Variants in MAP3K5 observed in about 807,000 individuals in gnomAD.
MAP3K5 encodes the protein mitogen-activated protein kinase kinase kinase 5.
MAP3K5 carries 56 observed loss-of-function variants against 158.7 expected under a neutral mutation model. The ratio of observed to expected loss-of-function variants is 0.35; its 90% CI spans 0.28 to 0.44. The LOEUF (loss-of-function observed/expected upper bound fraction) is 0.44. Among genes scored for constraint, MAP3K5 ranks in the 20% least tolerant of loss-of-function variants. The pLI, the probability that MAP3K5 is intolerant of heterozygous loss-of-function variation, is 1.00. For missense variants in MAP3K5, 1,294 were observed against 1,674.8 expected (o/e 0.77, Z 3.97); for synonymous variants, 579 against 601.7 (o/e 0.96, Z 0.55).
Position 136,611,893 on chromosome 6 carries a change from A to T in MAP3K5, c.2416-506T>A, listed in dbSNP as rs571891790. Reference sequence around the variant, plus strand: ...TTATTCTGGGGGTCACAAGATTTGCAACTTCCCCAATTGTTCCTATAATTG... The same window carrying T: ...TTATTCTGGGGGTCACAAGATTTGCTACTTCCCCAATTGTTCCTATAATTG... On this transcript the variant is annotated intron_variant, in intron 17 of 29. Coordinates refer to ENST00000359015, the MANE Select transcript of MAP3K5 (RefSeq NM_005923.4). Among the ~76,000 whole-genome samples, 12 of 152,344 alleles carry T rather than the reference A, an allele frequency of 7.9e-5. No individual in the cohort carries two copies. The South Asian group carries it at 1.9e-3, about 24-fold the overall frequency.
chr6:136,765,679 ATTTTTTT>A lies in MAP3K5; in HGVS notation c.448+26024_448+26030del, dbSNP rs780589836. ...AAGTGCCCACCACCATGCCTGGCTA[ATTTTTTT>A]TTTTTTTTTTTTTTTGTATTTTTAG... is the stretch of plus-strand genomic sequence containing the variant. On this transcript the variant is annotated intron_variant, in intron 1 of 29. Transcript: ENST00000359015. Among the ~76,000 whole-genome samples the A allele has an allele frequency of 5.4e-3, 644 of 120,020 alleles. 3 individuals carry two copies. The highest frequency in any genetic ancestry group is 0.019 in the African/African-American group (593 of 31,288). The allele number at this position is 120,020 out of a possible 152,430, so 78.7% of individuals were successfully genotyped here. A position where few individuals can be genotyped will look rare whatever the true frequency, so the allele number is the denominator to read the frequency against.
intron 2 of MAP3K5, among the ~76,000 whole-genome samples, chr6:136,718,910 TCA>T (rs1458912314): frequency 6.6e-6 from 1 of 152,170 alleles, no homozygotes; most frequent in African/African-American, 2.4e-5. Context: ...GTGTGGCAGC[TCA>T]CACCTATAAT....
chr6:136,573,869 C>T (rs1325781372), intron 25 of MAP3K5, among the ~76,000 whole-genome samples: 1 of 152,122 alleles, frequency 6.6e-6, no homozygotes, highest in Non-Finnish European at 1.5e-5. Context: ...AAACTATTCC[C>T]ACCCAAATGG....
chr6:136,631,889 C>A (rs958195975), intron 14 of MAP3K5, among the ~76,000 whole-genome samples: 6 of 152,100 alleles, frequency 3.9e-5, no homozygotes, highest in Non-Finnish European at 2.9e-5. Context: ...CCAGTGCAGG[C>A]TACCAGATTA....
chr6:136,770,871 C>T lies in MAP3K5; in HGVS notation c.448+20839G>A, dbSNP rs147123081. Among the ~76,000 whole-genome samples, 890 of 152,062 alleles carry T rather than the reference C, an allele frequency of 5.9e-3. 7 individuals carry two copies. Among genetic ancestry groups the T allele is most frequent in the African/African-American group, 0.013 (554 of 41,462 alleles). On this transcript the variant is annotated intron_variant, in intron 1 of 29. Coordinates refer to ENST00000359015, the MANE Select transcript of MAP3K5 (RefSeq NM_005923.4). ...TTAAAAAATCTGTCAGGAATTCACACAAAAATTATCATAAACATAAAACTG... is the reference window on the plus strand; with the variant it reads ...TTAAAAAATCTGTCAGGAATTCACATAAAAATTATCATAAACATAAAACTG...
At chr6:136,707,257 T>C (rs1781116310) in intron 2 of MAP3K5, among the ~76,000 whole-genome samples, 1 of 152,252 alleles carries the variant, frequency 6.6e-6, no homozygotes, top group African/African-American at 2.4e-5. Flanking sequence ...GATGGAAATG[T>C]GTGTATACGC....
intron 14 of MAP3K5, among the ~76,000 whole-genome samples, chr6:136,629,494 G>A (rs564009153): frequency 1.7e-4 from 26 of 151,740 alleles, no homozygotes; most frequent in South Asian, 1.0e-3. Context: ...ACGCTCTGTC[G>A]CCCAGGCTGG....
chr6:136,591,074 C>A (rs905032407), intron 23 of MAP3K5, among the ~76,000 whole-genome samples: 6 of 152,160 alleles, frequency 3.9e-5, no homozygotes, highest in African/African-American at 1.4e-4. Context: ...GGGAATTCCC[C>A]TGCACAAGCT....
At chr6:136,636,839 CATT>C (rs1331969676) in intron 14 of MAP3K5, 2 of 986,448 alleles carry the variant, frequency 2.0e-6, no homozygotes, top group African/African-American at 3.5e-5. Flanking sequence ...GTCCATTAGA[CATT>C]AATAAAAGGA....
chr6:136,624,614 C>T (rs1034355725), intron 14 of MAP3K5, among the ~76,000 whole-genome samples: 2 of 151,964 alleles, frequency 1.3e-5, no homozygotes, highest in East Asian at 1.9e-4. Flanking sequence ...TCTCTGAGCA[C>T]AGAATACTAA....
At chr6:136,588,885 G>C (rs577808966) in intron 23 of MAP3K5, among the ~76,000 whole-genome samples, 72 of 152,226 alleles carry the variant, frequency 4.7e-4, no homozygotes, top group Non-Finnish European at 6.8e-4. Flanking sequence ...CTTCTTCCTG[G>C]GCCTCAGAGT....
At chr6:136,685,820 C>A (rs1200113691) in intron 7 of MAP3K5, among the ~76,000 whole-genome samples, 4 of 152,130 alleles carry the variant, frequency 2.6e-5, no homozygotes, top group Non-Finnish European at 4.4e-5. Context: ...CCTTTGGGAC[C>A]CATGACTAAT....
chr6:136,714,257 G>GTAT (rs1781430777), intron 2 of MAP3K5, among the ~76,000 whole-genome samples: 1 of 152,146 alleles, frequency 6.6e-6, no homozygotes, highest in Non-Finnish European at 1.5e-5. Context: ...TAAGTGTGAG[G>GTAT]TATTTGTAAC....
At chr6:136,599,180 C>A (rs78103817) in intron 21 of MAP3K5, among the ~76,000 whole-genome samples, 22 of 121,662 alleles carry the variant, frequency 1.8e-4, no homozygotes, top group African/African-American at 6.5e-4. Context: ...GGGGGGGGGG[C>A]GTGGATTTTA....
intron 18 of MAP3K5, among the ~76,000 whole-genome samples, chr6:136,611,029 G>A (rs184758315): frequency 3.5e-5 from 5 of 144,178 alleles, no homozygotes; most frequent in African/African-American, 1.0e-4. Context: ...GATTGCTTGA[G>A]CCTGGGAGTT....
chr6:136,642,031 A>AAATAAAAAT (rs1777984408), intron 12 of MAP3K5, among the ~76,000 whole-genome samples: 1 of 66,780 alleles, frequency 1.5e-5, no homozygotes, highest in Non-Finnish European at 2.9e-5. Context: ...AAATAAAATA[A>AAATAAAAAT]AAATAAAATA....
In MAP3K5 at chr6:136,613,591, T is replaced by G. The variant is rs549581071; in HGVS notation, c.2279-335A>C. 3.9e-5 allele frequency among the ~76,000 whole-genome samples: 6 copies of G among 152,306 alleles called. No homozygotes were observed. Among genetic ancestry groups the G allele is most frequent in the African/African-American group, 1.2e-4 (5 of 41,584 alleles). On this transcript the variant is annotated intron_variant, in intron 16 of 29. Transcript: ENST00000359015. The surrounding 1 kb of genome is among the most constrained non-coding windows in gnomAD (Gnocchi z 4.0). ...TCTAGAACTTTAAATTATTTGAGCC[T>G]TATTATTTAAGGAATGTGACTTTGT...
chr6:136,656,336 T>A lies in MAP3K5; in HGVS notation c.1651A>T (p.Lys551Ter). ...FWMDFLVEAT[K>*]TDVTVVRFPV... ...AACCTAACCACAGTAACATCTGTCT[T>A]TGTGGCCTCGACCAGGAAATCCATC... The change falls in exon 10 of 30, where the codon AAG (lysine) becomes TAG (stop). Residue 551 changes from lysine (K) to a stop codon, truncating the protein, a stop_gained. Transcript: ENST00000359015. LOFTEE classifies it high-confidence loss of function. 6.2e-7 allele frequency: 1 copy of A among 1,614,030 alleles called. No homozygotes were observed. The highest frequency in any genetic ancestry group is 8.5e-7 in the Non-Finnish European group (1 of 1,179,932).
chr6:136,557,443 G>T lies in MAP3K5; in HGVS notation c.*315C>A, dbSNP rs1830298718. ...CCGTTTTGTGTGAAATAAACATTTG[G>T]CTGAAGTGCAATAGCTGCTGCATTA... On this transcript the variant is annotated 3_prime_UTR_variant, in exon 30 of 30. Transcript: ENST00000359015. The T allele has an allele frequency of 4.2e-6, 1 of 239,860 alleles. No homozygotes were observed. Among genetic ancestry groups the T allele is most frequent in the Admixed American group, 5.3e-5 (1 of 18,830 alleles). The allele number at this position is 239,860 out of a possible 1,614,324, so 14.9% of individuals were successfully genotyped here. A position where few individuals can be genotyped will look rare whatever the true frequency, so the allele number is the denominator to read the frequency against.
Sources: allele counts gnomAD v4.1 joint callset (sites outside exome capture counted in the v4.1 genomes callset), GRCh38; gene constraint gnomAD v4.1.1; non-coding constraint Gnocchi (gnomAD v3.1); transcripts MANE v1.5; gene names NCBI Gene and HGNC (gene_info 2026-07-23, HGNC 2026-07-21).